The following DPYSL3 variants were observed in gnomAD, a reference collection of about 807,000 sequenced individuals.
DPYSL3 encodes the protein dihydropyrimidinase like 3.
In DPYSL3, 16 loss-of-function variants were observed where a neutral mutation model predicts 66.1. The observed-to-expected ratio is 0.24, with a 90% CI of 0.16 to 0.37. The LOEUF (loss-of-function observed/expected upper bound fraction) is 0.37. Ranked by LOEUF, DPYSL3 falls within the 10% of genes least tolerant of loss-of-function variation. The pLI, the probability that DPYSL3 is intolerant of heterozygous loss-of-function variation, is 1.00. For missense variants in DPYSL3, 738 were observed against 916.2 expected (o/e 0.81, Z 2.51); for synonymous variants, 338 against 345.1 (o/e 0.98, Z 0.23).
intron 1 of DPYSL3, among the ~76,000 whole-genome samples, chr5:147,497,586 T>A (rs1410841540): frequency 6.6e-6 from 1 of 152,120 alleles, no homozygotes; most frequent in East Asian, 1.9e-4. Flanking sequence ...CTTCAACATT[T>A]GAGAATCCAT....
chr5:147,397,053 ATATT>A (rs1561770105), intron 12 of DPYSL3, among the ~76,000 whole-genome samples: 5 of 147,868 alleles, frequency 3.4e-5, no homozygotes, highest in African/African-American at 1.2e-4. Context: ...ATATTATTCT[ATATT>A]TATATATTAA....
At chr5:147,400,081 T>C (rs1177116746) in intron 10 of DPYSL3, among the ~76,000 whole-genome samples, 1 of 152,226 alleles carries the variant, frequency 6.6e-6, no homozygotes, top group Non-Finnish European at 1.5e-5. Flanking sequence ...AAATGAAACA[T>C]AGAGCAGTAA....
At chr5:147,480,464 C>T (rs1753218666) in intron 1 of DPYSL3, among the ~76,000 whole-genome samples, 1 of 152,128 alleles carries the variant, frequency 6.6e-6, no homozygotes, top group South Asian at 2.1e-4. Context: ...ATCAAATCCC[C>T]TCTGTCTGAA....
In DPYSL3 at chr5:147,509,428, C is replaced by G; in HGVS notation, c.381+50G>C. On this transcript the variant is annotated intron_variant, in intron 1 of 13. Coordinates refer to ENST00000343218, the MANE Select transcript of DPYSL3 (RefSeq NM_001197294.2). The surrounding 1 kb of genome is among the most constrained non-coding windows in gnomAD (Gnocchi z 5.3). ...TGTGCCCGGGCCATGGCGGCCAGGG[C>G]TGGAGAAAGGAACGAAGGCAAGGAG... 6.8e-7 allele frequency: 1 copy of G among 1,461,030 alleles called. No homozygotes were observed. The highest frequency in any genetic ancestry group is 2.5e-5 in the East Asian group (1 of 40,190). The allele number at this position is 1,461,030 out of a possible 1,614,324, so 90.5% of individuals were successfully genotyped here.
chr5:147,480,555 C>G (rs1324703503), intron 1 of DPYSL3, among the ~76,000 whole-genome samples: 2 of 152,040 alleles, frequency 1.3e-5, no homozygotes, highest in Non-Finnish European at 2.9e-5. Context: ...TGTCACACAG[C>G]TGGTAAGCAG....
intron 12 of DPYSL3, among the ~76,000 whole-genome samples, 191 bp from the exon 13 acceptor site, chr5:147,395,912 T>G (rs2288806): frequency 0.45 from 68,415 of 151,796 alleles, 16,185 homozygotes; most frequent in African/African-American, 0.57. Context: ...TGACAATGGA[T>G]GTGGTCAGTG....
chr5:147,405,397 C>A (rs568652714), intron 8 of DPYSL3, among the ~76,000 whole-genome samples: 1 of 152,326 alleles, frequency 6.6e-6, no homozygotes, highest in East Asian at 1.9e-4. Context: ...TCATCTTGGA[C>A]AACTCATCTA....
chr5:147,431,977 G>C (rs1432358360), intron 1 of DPYSL3, among the ~76,000 whole-genome samples: 3 of 152,112 alleles, frequency 2.0e-5, no homozygotes, highest in Non-Finnish European at 4.4e-5. Flanking sequence ...AAACAGAAAG[G>C]CCTGGGAGAA....
rs191928435 is a variant in DPYSL3, at chr5:147,480,784, G to A, written c.381+28694C>T. 4.7e-3 allele frequency among the ~76,000 whole-genome samples: 705 copies of A among 150,610 alleles called. 3 individuals are homozygous for A. The highest frequency in any genetic ancestry group is 0.016 in the African/African-American group (647 of 41,170). The stretch of plus-strand genomic sequence containing the variant: ...GTTACCCATGCTGGAGTGCAATGGC[G>A]CGATCTCAGCTCACTGCAACCTCCA... On this transcript the variant is annotated intron_variant, in intron 1 of 13. Transcript: ENST00000343218.
At chr5:147,469,118 T>C (rs930226625) in intron 1 of DPYSL3, among the ~76,000 whole-genome samples, 8 of 152,294 alleles carry the variant, frequency 5.3e-5, no homozygotes, top group African/African-American at 1.4e-4. Flanking sequence ...CTCAAGCACA[T>C]TGTAGCCTTG....
intron 3 of DPYSL3, among the ~76,000 whole-genome samples, chr5:147,418,056 G>C (rs936982725): frequency 2.0e-5 from 3 of 152,126 alleles, no homozygotes; most frequent in African/African-American, 7.2e-5. Context: ...CTCCATTCAC[G>C]CTGCTCTGCC....
At chr5:147,502,923 A>G (rs1446612159) in intron 1 of DPYSL3, among the ~76,000 whole-genome samples, 2 of 152,122 alleles carry the variant, frequency 1.3e-5, no homozygotes, top group Admixed American at 6.5e-5. Context: ...ATCAGCAGGT[A>G]AAGGGAGACG....
At chr5:147,480,883 C>T (rs972461950) in intron 1 of DPYSL3, among the ~76,000 whole-genome samples, 4 of 151,832 alleles carry the variant, frequency 2.6e-5, no homozygotes, top group Non-Finnish European at 2.9e-5. Flanking sequence ...CCACTACGCC[C>T]GGCTCATTTT....
At chr5:147,411,632 A>T (rs1751854261) in intron 6 of DPYSL3, among the ~76,000 whole-genome samples, 1 of 152,180 alleles carries the variant, frequency 6.6e-6, no homozygotes, top group Admixed American at 6.5e-5. Context: ...AGTTCCTGGC[A>T]CACAGTAGTC....
At chr5:147,409,275 G>A (rs7737514) in intron 6 of DPYSL3, among the ~76,000 whole-genome samples, 2,980 of 152,266 alleles carry the variant, frequency 0.02, 95 homozygotes, top group African/African-American at 0.068. Context: ...TATGTTTCCC[G>A]AAGTGTGGGC....
intron 1 of DPYSL3, among the ~76,000 whole-genome samples, chr5:147,450,448 C>A (rs796672673): frequency 2.0e-5 from 3 of 152,284 alleles, no homozygotes; most frequent in African/African-American, 7.2e-5. Flanking sequence ...ACCCCCAAAA[C>A]TGCCAGTCTC....
intron 1 of DPYSL3, among the ~76,000 whole-genome samples, chr5:147,455,484 C>T (rs1752834019): frequency 6.6e-6 from 1 of 152,190 alleles, no homozygotes; most frequent in African/African-American, 2.4e-5. Flanking sequence ...GGGCCAAAGG[C>T]ACGCCCTAAA....
At chr5:147,394,692 A>C (rs1054943412) in intron 13 of DPYSL3, among the ~76,000 whole-genome samples, 8 of 152,070 alleles carry the variant, frequency 5.3e-5, no homozygotes, top group Non-Finnish European at 7.4e-5. Flanking sequence ...CAAAAAAAAA[A>C]AGGCAAAAAC....
chr5:147,418,666 A>G (rs1233075726), intron 2 of DPYSL3, 35 bp from the exon 3 acceptor site: 1 of 1,534,536 alleles, frequency 6.5e-7, no homozygotes, highest in Non-Finnish European at 8.8e-7. Flanking sequence ...ATGATCAAAC[A>G]CTTGGTCATT....
Sources: gnomAD v4.1 joint callset for allele counts (sites outside exome capture counted in the v4.1 genomes callset) on GRCh38, gnomAD v4.1.1 for gene constraint, Gnocchi (gnomAD v3.1) non-coding constraint, MANE v1.5 for transcripts, NCBI Gene and HGNC (gene_info 2026-07-23, HGNC 2026-07-21) for gene names.